Variants in L2HGDH observed in about 807,000 individuals in gnomAD.
The protein encoded by L2HGDH is L-2-hydroxyglutarate dehydrogenase, mitochondrial.
A neutral mutation model predicts 51.5 loss-of-function variants in L2HGDH; 34 were observed. The ratio of observed to expected loss-of-function variants is 0.66; its 90% CI spans 0.50 to 0.88. L2HGDH has a LOEUF of 0.88. L2HGDH is among the 40% of genes least tolerant of loss of function. The probability of loss-of-function intolerance (pLI) is 0.00; values close to 1 mark genes in which losing one functional copy is unlikely to be tolerated. For synonymous variants in L2HGDH, 198 were observed against 197.9 expected (o/e 1.00, Z -0.01); for missense variants, 558 against 571.9 (o/e 0.98, Z 0.25).
At chr14:50,253,177 A>C (rs2139937393) in intron 9 of L2HGDH, among the ~76,000 whole-genome samples, 1 of 152,160 alleles carries the variant, frequency 6.6e-6, no homozygotes, top group Middle Eastern at 3.4e-3. Flanking sequence ...AATATGATCC[A>C]GAATGGGATC....
chr14:50,280,477 A>G (rs971892050), intron 5 of L2HGDH, among the ~76,000 whole-genome samples: 1 of 151,908 alleles, frequency 6.6e-6, no homozygotes, highest in African/African-American at 2.4e-5. Flanking sequence ...TCACTGCTTT[A>G]TATAGACATA....
At chr14:50,269,369 G>C (rs778854935) in intron 6 of L2HGDH, 39 bp from the exon 7 acceptor site, 3 of 1,582,832 alleles carry the variant, frequency 1.9e-6, no homozygotes, top group South Asian at 1.1e-5. Flanking sequence ...GTATAAAGTG[G>C]AGTAGAATAG....
chr14:50,271,737 G>T (rs1889702727), intron 6 of L2HGDH, among the ~76,000 whole-genome samples: 1 of 152,044 alleles, frequency 6.6e-6, no homozygotes, highest in Non-Finnish European at 1.5e-5. Flanking sequence ...AGAAGACAAA[G>T]AAATAAACCA....
chr14:50,261,154 C>T (rs1463041985), intron 9 of L2HGDH, among the ~76,000 whole-genome samples: 1 of 152,002 alleles, frequency 6.6e-6, no homozygotes, highest in Admixed American at 6.6e-5. Context: ...GGACACTCCT[C>T]CACAATAAAT....
Position 50,242,957 on chromosome 14 carries a change from T to G in L2HGDH, c.*4101A>C, listed in dbSNP as rs527749873. 1.0e-6 allele frequency: 1 copy of G among 985,336 alleles called. No homozygotes were observed. The highest frequency in any genetic ancestry group is 1.2e-6 in the Non-Finnish European group (1 of 829,964). 61.0% of individuals were successfully genotyped at this position (985,336 alleles called of 1,614,324 possible). ...CATAGGTACAGCCATCAGGGTTGGA[T>G]TGCCTCCAAAAGTAGGCCCTACAAA... On this transcript the variant is annotated 3_prime_UTR_variant, in exon 10 of 10. Coordinates refer to ENST00000267436, the MANE Select transcript of L2HGDH (RefSeq NM_024884.3).
intron 4 of L2HGDH, 107 bp from the exon 5 acceptor site, chr14:50,284,140 G>T: frequency 9.5e-7 from 1 of 1,056,928 alleles, no homozygotes; most frequent in Non-Finnish European, 1.4e-6. Context: ...AGTTGATTTT[G>T]CCAAGCTTTT....
intron 1 of L2HGDH, among the ~76,000 whole-genome samples, chr14:50,304,640 CCTGA>C (rs2030620936): frequency 6.6e-6 from 1 of 152,166 alleles, no homozygotes; most frequent in Non-Finnish European, 1.5e-5. Context: ...TTGAGACCAT[CCTGA>C]CTAACACGGT....
chr14:50,310,817 A>T (rs2031077775), intron 1 of L2HGDH, among the ~76,000 whole-genome samples: 1 of 151,856 alleles, frequency 6.6e-6, no homozygotes, highest in Non-Finnish European at 1.5e-5. Flanking sequence ...ATAACAAATC[A>T]CAATCGCTAT....
At chr14:50,284,196 C>T (rs1216827380) in intron 4 of L2HGDH, among the ~76,000 whole-genome samples, 163 bp from the exon 5 acceptor site, 1 of 152,152 alleles carries the variant, frequency 6.6e-6, no homozygotes, top group Non-Finnish European at 1.5e-5. Context: ...TATCCCTCAC[C>T]ATACCTGATT....
chr14:50,279,756 A>G (rs2140007254), intron 5 of L2HGDH, among the ~76,000 whole-genome samples: 1 of 152,196 alleles, frequency 6.6e-6, no homozygotes, highest in Non-Finnish European at 1.5e-5. Flanking sequence ...GATCCCTTTC[A>G]TGGTTCTTGA....
intron 9 of L2HGDH, among the ~76,000 whole-genome samples, chr14:50,262,229 T>C (rs910795750): frequency 1.3e-5 from 2 of 152,022 alleles, no homozygotes; most frequent in Non-Finnish European, 2.9e-5. Flanking sequence ...GTCAGGAGAT[T>C]GAGACCATCC....
chr14:50,259,362 TTCGG>T (rs1428183560), intron 9 of L2HGDH, among the ~76,000 whole-genome samples: 39 of 88,412 alleles, frequency 4.4e-4, no homozygotes, highest in African/African-American at 1.6e-3. Context: ...TTTTTTCTTT[TTCGG>T]TTTTTTTTTT....
chr14:50,280,165 C>CTT (rs1258447852), intron 5 of L2HGDH, among the ~76,000 whole-genome samples: 5 of 141,096 alleles, frequency 3.5e-5, no homozygotes, highest in Non-Finnish European at 3.1e-5. Context: ...TGGGTCACTG[C>CTT]TTTTTTTTTT....
intron 3 of L2HGDH, among the ~76,000 whole-genome samples, chr14:50,296,484 G>T (rs1203863214): frequency 7.1e-6 from 1 of 139,898 alleles, no homozygotes; most frequent in Non-Finnish European, 1.5e-5. Context: ...CAACGAATTA[G>T]AAAATCTAGA....
chr14:50,303,766 C>T (rs993591399), intron 1 of L2HGDH, among the ~76,000 whole-genome samples: 2 of 140,790 alleles, frequency 1.4e-5, no homozygotes, highest in African/African-American at 2.7e-5. Flanking sequence ...TGGGAGACAG[C>T]GCCAGACCCT....
chr14:50,287,935 T>C (rs969823160), intron 4 of L2HGDH, among the ~76,000 whole-genome samples: 2 of 152,006 alleles, frequency 1.3e-5, no homozygotes, highest in African/African-American at 4.8e-5. Context: ...TGACCTCAAA[T>C]GATCCACCCA....
intron 1 of L2HGDH, among the ~76,000 whole-genome samples, 156 bp downstream of exon 1, chr14:50,311,855 G>T (rs929106483): frequency 2.0e-5 from 3 of 152,228 alleles, no homozygotes; most frequent in Admixed American, 6.5e-5. Flanking sequence ...GAACCTGCAG[G>T]TTGGTAGCTC....
rs1206653555 is a variant in L2HGDH at position 50,245,920 on chromosome 14, G to C, written c.*1138C>G. ...GTGGATCACCTGAGGTCAGGAATTC[G>C]AGACCAGCCTGGCCAACATGGCAAA... is the stretch of plus-strand genomic sequence containing the variant. On this transcript the variant is annotated 3_prime_UTR_variant, in exon 10 of 10. Transcript: ENST00000267436. The C allele has an allele frequency of 1.8e-6, 1 of 556,286 alleles. No homozygotes were observed. The highest frequency in any genetic ancestry group is 2.3e-6 in the Non-Finnish European group (1 of 437,896). The allele number at this position is 556,286 out of a possible 1,614,324, so 34.5% of individuals were successfully genotyped here. A position where few individuals can be genotyped will look rare whatever the true frequency, so the allele number is the denominator to read the frequency against.
At chr14:50,296,668 C>T (rs1314660010) in intron 3 of L2HGDH, among the ~76,000 whole-genome samples, 1 of 145,868 alleles carries the variant, frequency 6.9e-6, no homozygotes, top group East Asian at 2.1e-4. Context: ...AAAAGTAATA[C>T]TAATTCTTCA....
Sources: allele counts gnomAD v4.1 joint callset (sites outside exome capture counted in the v4.1 genomes callset), GRCh38; gene constraint gnomAD v4.1.1; transcripts MANE v1.5; gene names NCBI Gene and HGNC (gene_info 2026-07-23, HGNC 2026-07-21).